The following UBR3 variants were observed in gnomAD, a reference collection of about 807,000 sequenced individuals.
The protein encoded by UBR3 is ubiquitin protein ligase E3 component n-recognin 3, also known as E3 ubiquitin-protein ligase UBR3.
Under a neutral mutation model 243.2 loss-of-function variants are expected in UBR3, and 85 were observed. The observed-to-expected ratio is 0.35, with a 90% CI of 0.29 to 0.42. UBR3 has a LOEUF of 0.42. Ranked by LOEUF, UBR3 falls within the 10% of genes least tolerant of loss-of-function variation. UBR3 has a pLI of 1.00. For synonymous variants in UBR3, 748 were observed against 799.8 expected, an observed-to-expected ratio of 0.94 and a Z score of 1.09; for missense variants, 1,686 against 2,300.8, an observed-to-expected ratio of 0.73 and a Z score of 5.47.
chr2:169,938,016 A>T (rs754412707), intron 19 of UBR3, among the ~76,000 whole-genome samples: 1 of 152,092 alleles, frequency 6.6e-6, no homozygotes, highest in Admixed American at 6.5e-5. Flanking sequence ...CATATCCTCA[A>T]TTGTACTTGC....
chr2:169,960,613 G>A (rs2087528322), intron 24 of UBR3, among the ~76,000 whole-genome samples: 1 of 151,556 alleles, frequency 6.6e-6, no homozygotes, highest in South Asian at 2.1e-4. Flanking sequence ...CAATATTTAC[G>A]TATCGTTCTA....
chr2:169,869,366 C>T (rs1440475981), intron 1 of UBR3, among the ~76,000 whole-genome samples: 1 of 151,768 alleles, frequency 6.6e-6, no homozygotes, highest in East Asian at 1.9e-4. Flanking sequence ...GGACTACAGG[C>T]ATGTGCCACC....
chr2:169,832,047 GAGA>G (rs531539626), intron 1 of UBR3, among the ~76,000 whole-genome samples: 137 of 152,286 alleles, frequency 9.0e-4, no homozygotes, highest in African/African-American at 3.1e-3. Context: ...ATTGGAGATG[GAGA>G]AGAATCTTGA....
At chr2:169,867,610 A>T (rs902775261) in intron 1 of UBR3, among the ~76,000 whole-genome samples, 8 of 152,234 alleles carry the variant, frequency 5.3e-5, no homozygotes, top group African/African-American at 1.7e-4. Context: ...CAAAAACTCA[A>T]CCTGTTTTAC....
At chr2:170,057,124 T>G (rs990403381) in intron 33 of UBR3, among the ~76,000 whole-genome samples, 2 of 150,682 alleles carry the variant, frequency 1.3e-5, no homozygotes, top group African/African-American at 2.5e-5. Context: ...TTTTCTTTTT[T>G]TTTTTTTTTT....
intron 1 of UBR3, among the ~76,000 whole-genome samples, chr2:169,831,127 A>ATATAT (rs1450878762): frequency 1.8e-5 from 1 of 56,464 alleles, no homozygotes; most frequent in African/African-American, 9.0e-5. Context: ...ATATATATAT[A>ATATAT]TTTTTTTTTT....
chr2:169,835,207 T>C lies in UBR3; in HGVS notation c.545+7155T>C, dbSNP rs114848839. On this transcript the variant is annotated intron_variant, in intron 1 of 38. Coordinates refer to ENST00000272793, the MANE Select transcript of UBR3 (RefSeq NM_172070.4). ...TTTATATTTTACCACAATTAAAAAA[T>C]AATGTCAGGTATGGTGGCTCGCACC... Among the ~76,000 whole-genome samples, 1,185 of 152,182 alleles carry C rather than the reference T, an allele frequency of 7.8e-3. 13 individuals carry two copies. The highest frequency in any genetic ancestry group is 0.026 in the African/African-American group (1,071 of 41,508).
At chr2:169,919,975 G>A (rs112671218) in intron 11 of UBR3, among the ~76,000 whole-genome samples, 2 of 152,132 alleles carry the variant, frequency 1.3e-5, no homozygotes, top group African/African-American at 4.8e-5. Flanking sequence ...TACCCAAAGG[G>A]TTATAAATCA....
intron 5 of UBR3, among the ~76,000 whole-genome samples, chr2:169,886,648 G>A (rs1442163029): frequency 6.6e-6 from 1 of 152,050 alleles, no homozygotes. Flanking sequence ...GACATCTTTT[G>A]ATAAGCATAC....
Position 169,857,064 on chromosome 2 carries a change from G to GTTTTGTT in UBR3, c.546-15168_546-15167insGTTTTTT, listed in dbSNP as rs1255937396. ...ATGATTTCCAGCATAATTTTATTAT[G>GTTTTGTT]TTTTTTTTTTTTTTTTTTTTTTTTT... is the stretch of plus-strand genomic sequence containing the variant. On this transcript the variant is annotated intron_variant, in intron 1 of 38. Coordinates refer to ENST00000272793, the MANE Select transcript of UBR3 (RefSeq NM_172070.4). Among the ~76,000 whole-genome samples the GTTTTGTT allele has an allele frequency of 6.9e-3, 386 of 56,072 alleles. 3 individuals are homozygous for GTTTTGTT. The highest frequency in any genetic ancestry group is 9.6e-3 in the Non-Finnish European group (302 of 31,366). The allele number at this position is 56,072 out of a possible 152,430, so 36.8% of individuals were successfully genotyped here.
intron 35 of UBR3, among the ~76,000 whole-genome samples, chr2:170,062,972 GA>G (rs1302093766): frequency 1.3e-5 from 2 of 152,162 alleles, no homozygotes; most frequent in African/African-American, 4.8e-5. Context: ...AATGGATCTT[GA>G]ATTTCATATG....
intron 25 of UBR3, among the ~76,000 whole-genome samples, chr2:169,988,290 T>C (rs1023651718): frequency 6.6e-6 from 1 of 152,262 alleles, no homozygotes; most frequent in African/African-American, 2.4e-5. Flanking sequence ...TGTCAGGCAC[T>C]GTTCTAGTAA....
intron 20 of UBR3, among the ~76,000 whole-genome samples, chr2:169,944,858 C>T (rs911015683): frequency 6.6e-6 from 1 of 152,062 alleles, no homozygotes; most frequent in African/African-American, 2.4e-5. Flanking sequence ...GCCTGGGGGT[C>T]TGAGGTCTGT....
chr2:169,865,810 C>T (rs1359949791), intron 1 of UBR3, among the ~76,000 whole-genome samples: 2 of 152,156 alleles, frequency 1.3e-5, no homozygotes, highest in African/African-American at 4.8e-5. Flanking sequence ...TTGATCACAA[C>T]TAGCTCTCTA....
chr2:170,055,745 C>G (rs1001703803), intron 33 of UBR3, among the ~76,000 whole-genome samples, 161 bp downstream of exon 33: 13 of 152,190 alleles, frequency 8.5e-5, no homozygotes, highest in African/African-American at 3.1e-4. Flanking sequence ...TTTCACTAAA[C>G]AATGAGGACT....
chr2:169,996,979 G>A (rs1248699292), intron 26 of UBR3, among the ~76,000 whole-genome samples: 4 of 151,560 alleles, frequency 2.6e-5, no homozygotes, highest in African/African-American at 4.8e-5. Context: ...GATTACAGGC[G>A]TGAGCCACCA....
chr2:169,890,540 G>GAGATATATATATATATATACAT (rs1553504401), intron 5 of UBR3, among the ~76,000 whole-genome samples: 1 of 76,016 alleles, frequency 1.3e-5, no homozygotes, highest in African/African-American at 6.4e-5. Flanking sequence ...GAGAGAGAGA[G>GAGATATATATATATATATACAT]ATATATATAT....
rs796849719 is a variant in UBR3 at position 169,914,091 on chromosome 2, G to T, written c.1811G>T (p.Arg604Ile). ...ETQEYTRNVV[R>I]YCLEALQDWF... ...CAAGAGTATACCCGAAATGTTGTTA[G>T]ATATTGCCTTGAAGCTCTTCAAGAC... Residue 604 changes from arginine to isoleucine, a missense_variant, in exon 11 of 39, where the codon AGA (arginine) becomes ATA (isoleucine). By Grantham distance (97) the Arg-to-Ile change is moderately conservative. Transcript: ENST00000272793. 6.6e-7 allele frequency: 1 copy of T among 1,508,546 alleles called. No individual in the cohort carries two copies. The highest frequency in any genetic ancestry group is 8.9e-7 in the Non-Finnish European group (1 of 1,126,246). The allele number at this position is 1,508,546 out of a possible 1,614,324, so 93.4% of individuals were successfully genotyped here. A position where few individuals can be genotyped will look rare whatever the true frequency, so the allele number is the denominator to read the frequency against.
intron 19 of UBR3, among the ~76,000 whole-genome samples, chr2:169,939,665 G>A (rs1273702648): frequency 6.6e-6 from 1 of 151,734 alleles, no homozygotes; most frequent in Admixed American, 6.6e-5. Flanking sequence ...CTGGGCTCAA[G>A]CGATCTTCCC....
Sources: gnomAD v4.1 joint callset for allele counts (sites outside exome capture counted in the v4.1 genomes callset) on GRCh38, gnomAD v4.1.1 for gene constraint, MANE v1.5 for transcripts, NCBI Gene and HGNC (gene_info 2026-07-23, HGNC 2026-07-21) for gene names.